The following KLHL1 variants were observed in gnomAD, a reference collection of about 807,000 sequenced individuals.
The protein encoded by KLHL1 is kelch like family member 1.
Under a neutral mutation model 77.7 loss-of-function variants are expected in KLHL1, and 47 were observed. That is an observed-to-expected ratio of 0.60 (90% CI 0.48 to 0.77). KLHL1 has a LOEUF of 0.77. KLHL1 is among the 30% of genes least tolerant of loss of function. The pLI, the probability that KLHL1 is intolerant of heterozygous loss-of-function variation, is 0.00. For missense variants in KLHL1, 925 were observed against 910.8 expected, an observed-to-expected ratio of 1.02 and a Z score of -0.20; for synonymous variants, 360 against 325.2, an observed-to-expected ratio of 1.11 and a Z score of -1.15.
Position 70,048,467 on chromosome 13 carries a change from T to C in KLHL1, c.497+58736A>G, listed in dbSNP as rs551273651. On this transcript the variant is annotated intron_variant, in intron 1 of 10. Coordinates refer to ENST00000377844, the MANE Select transcript of KLHL1 (RefSeq NM_020866.3). ...TATAGGTAGATACAACATCAACTTG[T>C]CTGGCAAGGCAGCCAGTTAGAAAGA... 9.2e-5 allele frequency among the ~76,000 whole-genome samples: 14 copies of C among 152,352 alleles called. No individual in the cohort carries two copies. In the South Asian group the frequency reaches 2.3e-3, roughly 25 times the overall value.
At chr13:70,107,081 T>G in intron 1 of KLHL1, 122 bp downstream of exon 1, 1 of 1,395,192 alleles carries the variant, frequency 7.2e-7, no homozygotes, top group Non-Finnish European at 9.6e-7. Flanking sequence ...AAAACCAGGG[T>G]GGCATCTCTT....
At chr13:70,070,489 C>T (rs1389436763) in intron 1 of KLHL1, among the ~76,000 whole-genome samples, 1 of 151,862 alleles carries the variant, frequency 6.6e-6, no homozygotes, top group African/African-American at 2.4e-5. Context: ...GAAAAACCCA[C>T]CAATGTAGAA....
intron 7 of KLHL1, 52 bp from the exon 8 acceptor site, chr13:69,740,608 C>T (rs914026885): frequency 1.5e-6 from 2 of 1,370,142 alleles, no homozygotes; most frequent in Admixed American, 3.9e-5. Flanking sequence ...TCATATTGTA[C>T]ATTTAAAAAT....
intron 1 of KLHL1, among the ~76,000 whole-genome samples, chr13:70,033,016 G>T (rs1158734697): frequency 6.6e-6 from 1 of 152,106 alleles, no homozygotes; most frequent in African/African-American, 2.4e-5. Flanking sequence ...TTATTAATCT[G>T]AGTCTGTAAA....
At chr13:70,099,136 CAT>C (rs376872090) in intron 1 of KLHL1, among the ~76,000 whole-genome samples, 16 of 151,798 alleles carry the variant, frequency 1.1e-4, no homozygotes, top group African/African-American at 3.4e-4. Flanking sequence ...GATATAAACA[CAT>C]ATGAGAAGTT....
chr13:69,794,310 C>T (rs2138033731), intron 7 of KLHL1, among the ~76,000 whole-genome samples: 1 of 152,182 alleles, frequency 6.6e-6, no homozygotes, highest in Non-Finnish European at 1.5e-5. Context: ...TGATAAGACA[C>T]AAAAACGTAT....
intron 1 of KLHL1, among the ~76,000 whole-genome samples, chr13:69,978,485 AAT>A (rs910519547): frequency 2.1e-4 from 11 of 53,442 alleles, no homozygotes; most frequent in Admixed American, 6.8e-4. Context: ...TTCTGGTCAG[AAT>A]ATTTTTTTTT....
At chr13:69,869,284 A>G (rs1880491440) in intron 5 of KLHL1, among the ~76,000 whole-genome samples, 1 of 152,074 alleles carries the variant, frequency 6.6e-6, no homozygotes, top group Non-Finnish European at 1.5e-5. Flanking sequence ...ATTTCTTCCA[A>G]TTTATTCAGA....
intron 4 of KLHL1, among the ~76,000 whole-genome samples, chr13:69,921,094 A>G (rs1436942772): frequency 6.6e-6 from 1 of 152,178 alleles, no homozygotes; most frequent in Non-Finnish European, 1.5e-5. Flanking sequence ...TTTTTTCCAG[A>G]ATAAAATTTG....
intron 1 of KLHL1, among the ~76,000 whole-genome samples, chr13:70,085,874 A>G (rs1369097927): frequency 1.3e-5 from 2 of 152,194 alleles, no homozygotes; most frequent in Non-Finnish European, 2.9e-5. Flanking sequence ...AAAACCACAA[A>G]CAAAACAAAC....
At chr13:69,966,632 T>A (rs1454508680) in intron 2 of KLHL1, among the ~76,000 whole-genome samples, 1 of 152,206 alleles carries the variant, frequency 6.6e-6, no homozygotes, top group Non-Finnish European at 1.5e-5. Flanking sequence ...TTGTACAGAT[T>A]TTTGCATACA....
intron 3 of KLHL1, among the ~76,000 whole-genome samples, chr13:69,956,332 A>G (rs111915794): frequency 3.3e-5 from 5 of 150,890 alleles, no homozygotes; most frequent in African/African-American, 9.7e-5. Context: ...AGTACATAGT[A>G]GACATACATA....
intron 1 of KLHL1, among the ~76,000 whole-genome samples, chr13:70,104,520 T>C (rs1321719694): frequency 6.6e-6 from 1 of 152,122 alleles, no homozygotes; most frequent in Non-Finnish European, 1.5e-5. Context: ...AAAGCAATGT[T>C]CTAACTAGTA....
At chr13:69,783,840 A>G (rs1282111281) in intron 7 of KLHL1, among the ~76,000 whole-genome samples, 1 of 151,202 alleles carries the variant, frequency 6.6e-6, no homozygotes. Context: ...TGCCACAAAG[A>G]TACTCCTCGA....
chr13:70,031,643 C>T (rs1475256336), intron 1 of KLHL1, among the ~76,000 whole-genome samples: 1 of 152,092 alleles, frequency 6.6e-6, no homozygotes, highest in Admixed American at 6.5e-5. Flanking sequence ...GTAACAGGAT[C>T]CTGAGCAGGA....
At chr13:70,032,488 T>C (rs1422507003) in intron 1 of KLHL1, among the ~76,000 whole-genome samples, 1 of 152,084 alleles carries the variant, frequency 6.6e-6, no homozygotes, top group African/African-American at 2.4e-5. Context: ...AAGAAACAAG[T>C]ATAATACCAT....
chr13:69,804,068 T>C (rs1032754926), intron 6 of KLHL1, among the ~76,000 whole-genome samples: 9 of 152,200 alleles, frequency 5.9e-5, no homozygotes, highest in Non-Finnish European at 1.2e-4. Flanking sequence ...CAGTACAGTA[T>C]AGTTCTTTCA....
At chr13:70,070,725 A>G (rs1415452497) in intron 1 of KLHL1, among the ~76,000 whole-genome samples, 3 of 152,108 alleles carry the variant, frequency 2.0e-5, no homozygotes, top group African/African-American at 7.2e-5. Flanking sequence ...TAACAGCAAC[A>G]CTGTATTTGT....
intron 1 of KLHL1, among the ~76,000 whole-genome samples, chr13:70,074,744 GAAA>G (rs34421047): frequency 6.9e-6 from 1 of 145,610 alleles, no homozygotes. Flanking sequence ...GAGCAAGCAA[GAAA>G]AAAAAAAAAT....
Sources: gnomAD v4.1 joint callset for allele counts (sites outside exome capture counted in the v4.1 genomes callset) on GRCh38, gnomAD v4.1.1 for gene constraint, MANE v1.5 for transcripts, NCBI Gene and HGNC (gene_info 2026-07-23, HGNC 2026-07-21) for gene names.